The following GRIK4 variants were observed in gnomAD, a reference collection of about 807,000 sequenced individuals.
The protein encoded by GRIK4 is glutamate ionotropic receptor kainate type subunit 4, also known as glutamate receptor ionotropic, kainate 4.
Under a neutral mutation model 104.9 loss-of-function variants are expected in GRIK4, and 40 were observed. That is an observed-to-expected ratio of 0.38 (90% CI 0.30 to 0.50). The LOEUF is 0.50. Among genes scored for constraint, GRIK4 ranks in the 20% least tolerant of loss-of-function variants. GRIK4 has a pLI of 0.93. For synonymous variants in GRIK4, 485 were observed against 524.9 expected (o/e 0.92, Z 1.04); for missense variants, 1,047 against 1,308.1 (o/e 0.80, Z 3.08).
intron 3 of GRIK4, among the ~76,000 whole-genome samples, chr11:120,678,934 GGT>G (rs1565290468): frequency 6.6e-6 from 1 of 151,010 alleles, no homozygotes; most frequent in African/African-American, 2.4e-5. Context: ...CGCCTGGCCT[GGT>G]TTTTTTTTTT....
At chr11:120,917,993 A>T (rs1943147781) in intron 13 of GRIK4, among the ~76,000 whole-genome samples, 1 of 152,236 alleles carries the variant, frequency 6.6e-6, no homozygotes, top group African/African-American at 2.4e-5. Flanking sequence ...TGGGTCAGAG[A>T]CAGGAAAGGA....
At chr11:120,908,564 G>C (rs757950518) in intron 13 of GRIK4, among the ~76,000 whole-genome samples, 3 of 152,160 alleles carry the variant, frequency 2.0e-5, no homozygotes, top group African/African-American at 7.2e-5. Context: ...AAATCAGGGA[G>C]TGCAAGTCCA....
At chr11:120,915,996 C>A (rs1427273610) in intron 13 of GRIK4, among the ~76,000 whole-genome samples, 1 of 152,164 alleles carries the variant, frequency 6.6e-6, no homozygotes, top group Non-Finnish European at 1.5e-5. Context: ...GTGTCTGGAA[C>A]AAAGGATGAC....
chr11:120,925,068 TG>T (rs2134583619), intron 13 of GRIK4, among the ~76,000 whole-genome samples: 1 of 152,250 alleles, frequency 6.6e-6, no homozygotes, highest in South Asian at 2.1e-4. Context: ...GAGGCAGAGC[TG>T]GGGCCTCCAT....
chr11:120,630,017 G>C (rs960411657), intron 1 of GRIK4, among the ~76,000 whole-genome samples: 2 of 152,230 alleles, frequency 1.3e-5, no homozygotes, highest in African/African-American at 4.8e-5. Flanking sequence ...GTGTGTGGGG[G>C]AGAGAGGGGC....
chr11:120,561,465 G>A (rs904089677), intron 1 of GRIK4, among the ~76,000 whole-genome samples: 6 of 152,212 alleles, frequency 3.9e-5, no homozygotes, highest in African/African-American at 1.4e-4. Context: ...GTGACAGGCA[G>A]CACTCTAGGT....
At chr11:120,822,119 G>A (rs1013427917) in intron 6 of GRIK4, among the ~76,000 whole-genome samples, 3 of 148,162 alleles carry the variant, frequency 2.0e-5, no homozygotes, top group Non-Finnish European at 4.4e-5. Flanking sequence ...GCTGAGACAC[G>A]AGAATCACTT....
rs1033754349 is a variant in GRIK4, at chr11:120,720,288, G to A, written c.82+59888G>A. Reference sequence around the variant, plus strand: ...CTGAGGTGGGATTGGTCATGAAATCGATAAGCACTGCATTTTGTGTTTGAT... The same window carrying A: ...CTGAGGTGGGATTGGTCATGAAATCAATAAGCACTGCATTTTGTGTTTGAT... On this transcript the variant is annotated intron_variant, in intron 3 of 20. Coordinates refer to ENST00000527524, the MANE Select transcript of GRIK4 (RefSeq NM_014619.5). 1.2e-4 allele frequency among the ~76,000 whole-genome samples: 19 copies of A among 152,230 alleles called. 1 individual carries two copies. Among genetic ancestry groups the A allele is most frequent in the South Asian group, 4.1e-4 (2 of 4,824 alleles).
At chr11:120,817,666 G>A (rs572703944) in intron 5 of GRIK4, among the ~76,000 whole-genome samples, 1 of 152,258 alleles carries the variant, frequency 6.6e-6, no homozygotes, top group South Asian at 2.1e-4. Flanking sequence ...ATTTGCAATT[G>A]CACATTGAGT....
intron 1 of GRIK4, among the ~76,000 whole-genome samples, chr11:120,619,457 A>G (rs1030175473): frequency 1.3e-5 from 2 of 152,210 alleles, no homozygotes; most frequent in Non-Finnish European, 2.9e-5. Context: ...TTTGGAAGGC[A>G]TGATTATATT....
rs1953415779 is a variant in GRIK4, at chr11:120,831,064, C to T, written c.512-788C>T. ...GGAGTGAGGGAGGGCAGGGGTAGGT[C>T]CTTGGTGCACAGTCCCTTTTTTCTG... On this transcript the variant is annotated intron_variant, in intron 6 of 20. Transcript: ENST00000527524. 2.6e-5 allele frequency among the ~76,000 whole-genome samples: 4 copies of T among 152,068 alleles called. No individual in the cohort carries two copies. In the South Asian group the frequency reaches 8.3e-4, roughly 32 times the overall value.
chr11:120,589,674 G>T (rs781179929), intron 1 of GRIK4, among the ~76,000 whole-genome samples: 13 of 152,134 alleles, frequency 8.5e-5, no homozygotes, highest in Non-Finnish European at 1.8e-4. Flanking sequence ...AGAAAGCAAA[G>T]CGTAACCCTC....
intron 2 of GRIK4, among the ~76,000 whole-genome samples, chr11:120,658,782 T>C (rs1373505233): frequency 7.9e-6 from 1 of 126,062 alleles, no homozygotes; most frequent in South Asian, 3.0e-4. Flanking sequence ...GGAGTCTCGC[T>C]CTGTCCCCCA....
At chr11:120,700,127 T>C (rs1381562167) in intron 3 of GRIK4, among the ~76,000 whole-genome samples, 1 of 150,470 alleles carries the variant, frequency 6.6e-6, no homozygotes, top group Non-Finnish European at 1.5e-5. Flanking sequence ...TCATAGTTGG[T>C]TTTTTTGTGT....
intron 1 of GRIK4, among the ~76,000 whole-genome samples, chr11:120,636,839 CAAA>C (rs151087499): frequency 1.3e-5 from 2 of 148,428 alleles, no homozygotes; most frequent in Non-Finnish European, 3.0e-5. Context: ...GACTCCGTCT[CAAA>C]AAAAAAAGAA....
At chr11:120,797,982 C>G (rs763608981) in intron 3 of GRIK4, among the ~76,000 whole-genome samples, 1 of 152,160 alleles carries the variant, frequency 6.6e-6, no homozygotes, top group Non-Finnish European at 1.5e-5. Context: ...CAAAATACCA[C>G]AGACTGGGTG....
rs202168198 is a variant in GRIK4, at chr11:120,967,332, G to T, written c.2395+9G>T. The T allele has an allele frequency of 6.2e-7, 1 of 1,606,130 alleles. No homozygotes were observed. The highest frequency in any genetic ancestry group is 1.3e-5 in the African/African-American group (1 of 74,714). On this transcript the variant is annotated intron_variant, in intron 19 of 20. Coordinates refer to ENST00000527524, the MANE Select transcript of GRIK4 (RefSeq NM_014619.5). This position sits in a 1 kb window ranked among gnomAD's most constrained non-coding sequence, Gnocchi z 4.2. ...AGATCACAGAGCTAAAGGTAAGGAC[G>T]TTCAGGGCCATCCTCCTCCTGCCCT...
chr11:120,592,933 A>G (rs1398859757), intron 1 of GRIK4, among the ~76,000 whole-genome samples: 2 of 152,192 alleles, frequency 1.3e-5, no homozygotes, highest in African/African-American at 4.8e-5. Flanking sequence ...CTGTAATCCC[A>G]GCACTTTGGG....
chr11:120,729,417 C>T (rs1306867406), intron 3 of GRIK4, among the ~76,000 whole-genome samples: 1 of 152,168 alleles, frequency 6.6e-6, no homozygotes, highest in South Asian at 2.1e-4. Context: ...TGCTTGCCAG[C>T]GTTTGTTATT....
Sources: gnomAD v4.1 joint callset for allele counts (sites outside exome capture counted in the v4.1 genomes callset) on GRCh38, gnomAD v4.1.1 for gene constraint, Gnocchi (gnomAD v3.1) non-coding constraint, MANE v1.5 for transcripts, NCBI Gene and HGNC (gene_info 2026-07-23, HGNC 2026-07-21) for gene names.